The following SUZ12 variants were observed in gnomAD, a reference collection of about 807,000 sequenced individuals.
SUZ12 encodes polycomb protein SUZ12.
SUZ12 carries 17 observed loss-of-function variants against 87.3 expected under a neutral mutation model. That is an observed-to-expected ratio of 0.19 (90% CI 0.13 to 0.29). The LOEUF is 0.29. Ranked by LOEUF, SUZ12 falls within the 10% of genes least tolerant of loss-of-function variation. The pLI, the probability that SUZ12 is intolerant of heterozygous loss-of-function variation, is 1.00. For missense variants in SUZ12, 526 were observed against 912.2 expected (o/e 0.58, Z 5.45); for synonymous variants, 253 against 312.4 (o/e 0.81, Z 2.01).
intron 5 of SUZ12, among the ~76,000 whole-genome samples, chr17:31,971,421 CTT>C (rs11383306): frequency 4.3e-5 from 5 of 116,034 alleles, no homozygotes; most frequent in Non-Finnish European, 5.4e-5. Flanking sequence ...TCTCCTGCAA[CTT>C]TTTTTTTTTT....
rs143993321 is a variant in SUZ12 at position 31,945,766 on chromosome 17, G to A, written c.387-1851G>A. On this transcript the variant is annotated intron_variant, in intron 3 of 15. Coordinates refer to ENST00000322652, the MANE Select transcript of SUZ12 (RefSeq NM_015355.4). ...TTAATCAATTCTATTCACTTCTCCT[G>A]TATACAGCTTCATAAAGGTAGAAGA... 2.4e-3 allele frequency among the ~76,000 whole-genome samples: 365 copies of A among 152,178 alleles called. 1 individual carries two copies. Among genetic ancestry groups the A allele is most frequent in the African/African-American group, 8.1e-3 (336 of 41,502 alleles).
At chr17:31,941,555 CCT>C (rs386796514) in intron 3 of SUZ12, among the ~76,000 whole-genome samples, 1 of 3,888 alleles carries the variant, frequency 2.6e-4, no homozygotes, top group African/African-American at 1.7e-3. Flanking sequence ...CCGTGCCTGG[CCT>C]TTTTTTTTTT....
chr17:31,961,249 A>C (rs1471972331), intron 4 of SUZ12, among the ~76,000 whole-genome samples: 1 of 151,850 alleles, frequency 6.6e-6, no homozygotes, highest in East Asian at 1.9e-4. Context: ...AAGAAACACT[A>C]GTATGATAAT....
At chr17:31,943,100 G>T (rs984389753) in intron 3 of SUZ12, among the ~76,000 whole-genome samples, 1 of 152,200 alleles carries the variant, frequency 6.6e-6, no homozygotes, top group Admixed American at 6.5e-5. Flanking sequence ...AATAGAGAGC[G>T]TGCATGAGCA....
intron 8 of SUZ12, among the ~76,000 whole-genome samples, chr17:31,981,598 GTAAA>G (rs1485459640): frequency 3.3e-5 from 5 of 152,186 alleles, no homozygotes; most frequent in Admixed American, 2.0e-4. Flanking sequence ...ACCTCTTTGA[GTAAA>G]TAAATTAGTT....
chr17:31,938,649 T>G (rs1906085940), intron 1 of SUZ12, among the ~76,000 whole-genome samples: 1 of 152,240 alleles, frequency 6.6e-6, no homozygotes, highest in African/African-American at 2.4e-5. Flanking sequence ...TAGAGAGGCT[T>G]TAATTGGAAA....
intron 6 of SUZ12, 28 bp from the exon 7 acceptor site, chr17:31,975,454 T>C: frequency 6.9e-7 from 1 of 1,453,868 alleles, no homozygotes; most frequent in Non-Finnish European, 9.3e-7. Flanking sequence ...TACAAATAAA[T>C]ATAAATTAAT....
rs1301656401 is a variant in SUZ12 at position 31,988,375 on chromosome 17, G to A, written c.1079G>A (p.Arg360His). 12 of 1,606,528 alleles carry A rather than the reference G, an allele frequency of 7.5e-6. No individual in the cohort carries two copies. Among genetic ancestry groups the A allele is most frequent in the South Asian group, 1.1e-5 (1 of 89,240 alleles). Residue 360 changes from arginine to histidine, a missense_variant, in exon 10 of 16, where the codon CGT (arginine) becomes CAT (histidine). Physicochemically the swap from Arg to His is conservative, Grantham distance 29. Coordinates refer to ENST00000322652, the MANE Select transcript of SUZ12 (RefSeq NM_015355.4). ...SQGPTLQFTL[R>H]WTGETNDKST... ...GGACCTACGTTGCAGTTCACTCTTC[G>A]TTGGACAGGAGAGACCAATGATAAA...
chr17:31,955,029 C>T (rs1426935664), intron 4 of SUZ12, among the ~76,000 whole-genome samples: 1 of 152,170 alleles, frequency 6.6e-6, no homozygotes, highest in South Asian at 2.1e-4. Flanking sequence ...TTCTGTCACC[C>T]ACACGGGAGT....
chr17:31,994,996 A>G (rs1909896384), intron 13 of SUZ12, among the ~76,000 whole-genome samples: 2 of 152,162 alleles, frequency 1.3e-5, no homozygotes, highest in Non-Finnish European at 2.9e-5. Flanking sequence ...TTCTGTCAGA[A>G]GTTTCTGGAT....
At chr17:31,957,835 G>A (rs1468282391) in intron 4 of SUZ12, among the ~76,000 whole-genome samples, 1 of 149,532 alleles carries the variant, frequency 6.7e-6, no homozygotes, top group Admixed American at 6.7e-5. Flanking sequence ...GTGAGCCACT[G>A]CACCTGGCCC....
intron 1 of SUZ12, among the ~76,000 whole-genome samples, chr17:31,939,826 G>A (rs1374965975): frequency 6.6e-6 from 1 of 152,086 alleles, no homozygotes; most frequent in East Asian, 1.9e-4. Flanking sequence ...GCGCCTGGCC[G>A]GCTGACTACA....
intron 13 of SUZ12, among the ~76,000 whole-genome samples, chr17:31,995,360 G>A (rs1249960487): frequency 6.6e-6 from 1 of 152,162 alleles, no homozygotes; most frequent in Non-Finnish European, 1.5e-5. Context: ...GACAGTTTGT[G>A]TTTGAATTAA....
intron 12 of SUZ12, 29 bp from the exon 13 acceptor site, chr17:31,994,535 A>AT (rs1909872674): frequency 5.2e-6 from 8 of 1,538,588 alleles, no homozygotes; most frequent in Non-Finnish European, 7.0e-6. Flanking sequence ...GATACTTAAT[A>AT]TATTTTTTTT....
At chr17:31,998,546 A>T in intron 15 of SUZ12, 112 bp from the exon 16 acceptor site, 1 of 725,480 alleles carries the variant, frequency 1.4e-6, no homozygotes, top group Non-Finnish European at 2.1e-6. Flanking sequence ...CTGCTTCTTT[A>T]ATCATCTTTT....
At chr17:31,976,637 G>T (rs764025690) in intron 8 of SUZ12, 23 bp downstream of exon 8, 6 of 1,527,574 alleles carry the variant, frequency 3.9e-6, no homozygotes, top group South Asian at 3.5e-5. Flanking sequence ...AACAAGTGAG[G>T]CTCCCACAAT....
At chr17:31,975,777 C>G in intron 7 of SUZ12, 64 bp downstream of exon 7, 1 of 1,295,296 alleles carries the variant, frequency 7.7e-7, no homozygotes, top group Non-Finnish European at 1.1e-6. Flanking sequence ...AATGATTGTA[C>G]CAGTGTTCCT....
chr17:31,964,814 A>G (rs1199119658), intron 4 of SUZ12, among the ~76,000 whole-genome samples: 2 of 151,738 alleles, frequency 1.3e-5, no homozygotes, highest in African/African-American at 2.4e-5. Context: ...TTATTTCTCT[A>G]TCTTAGAAAA....
intron 6 of SUZ12, among the ~76,000 whole-genome samples, chr17:31,973,857 G>T (rs1239983128): frequency 6.6e-6 from 1 of 152,096 alleles, no homozygotes; most frequent in African/African-American, 2.4e-5. Flanking sequence ...AAGACCATAG[G>T]CCATAAGGGC....
Sources: gnomAD v4.1 joint callset for allele counts (sites outside exome capture counted in the v4.1 genomes callset) on GRCh38, gnomAD v4.1.1 for gene constraint, MANE v1.5 for transcripts, NCBI Gene and HGNC (gene_info 2026-07-23, HGNC 2026-07-21) for gene names.